The following CEMIP variants were observed in gnomAD, a reference collection of about 807,000 sequenced individuals.
The protein encoded by CEMIP is cell migration-inducing and hyaluronan-binding protein.
Under a neutral mutation model 156.9 loss-of-function variants are expected in CEMIP, and 105 were observed. The ratio of observed to expected loss-of-function variants is 0.67; its 90% CI spans 0.57 to 0.79. The LOEUF is 0.79. Ranked by LOEUF, CEMIP falls within the 30% of genes least tolerant of loss-of-function variation. The probability of loss-of-function intolerance (pLI) is 0.00; values close to 1 mark genes in which losing one functional copy is unlikely to be tolerated. For synonymous variants in CEMIP, 676 were observed against 668.4 expected (o/e 1.01, Z -0.17); for missense variants, 1,457 against 1,769.4 (o/e 0.82, Z 3.17).
intron 29 of CEMIP, chr15:80,947,335 A>G (rs1016578291): frequency 1.8e-5 from 8 of 455,920 alleles, no homozygotes; most frequent in African/African-American, 5.9e-5. Context: ...ATTTGCTTGG[A>G]AAGTGGCCCT....
chr15:80,935,019 T>C (rs1203007046), intron 23 of CEMIP, among the ~76,000 whole-genome samples: 2 of 152,112 alleles, frequency 1.3e-5, no homozygotes, highest in African/African-American at 2.4e-5. Context: ...CAGTGGAGAC[T>C]GGAGGCGGTG....
At chr15:80,885,876 C>T (rs1218409701) in intron 7 of CEMIP, among the ~76,000 whole-genome samples, 1 of 152,212 alleles carries the variant, frequency 6.6e-6, no homozygotes, top group African/African-American at 2.4e-5. Context: ...CGTCTTTTGC[C>T]AGGGCTGTTC....
At chr15:80,871,886 G>A (rs1303090039) in intron 1 of CEMIP, among the ~76,000 whole-genome samples, 2 of 152,148 alleles carry the variant, frequency 1.3e-5, no homozygotes, top group Admixed American at 1.3e-4. Context: ...GCCGTGATGC[G>A]TGACTTCAGC....
chr15:80,948,609 C>A, intron 29 of CEMIP, 188 bp from the exon 30 acceptor site: 1 of 754,288 alleles, frequency 1.3e-6, no homozygotes, highest in Non-Finnish European at 2.3e-6. Context: ...ACCCTGCCTG[C>A]CCCATACAAA....
chr15:80,925,531 T>C, intron 18 of CEMIP, 93 bp from the exon 19 acceptor site: 1 of 1,545,942 alleles, frequency 6.5e-7, no homozygotes, highest in Non-Finnish European at 8.8e-7. Context: ...CTGGGCACTG[T>C]GAGTAGAGAG....
chr15:80,807,906 G>C (rs1194857146), intron 1 of CEMIP, among the ~76,000 whole-genome samples: 1 of 152,062 alleles, frequency 6.6e-6, no homozygotes, highest in Non-Finnish European at 1.5e-5. Flanking sequence ...CATGTGTCAG[G>C]GAGCACCTGT....
At chr15:80,812,370 T>C (rs977233138) in intron 1 of CEMIP, among the ~76,000 whole-genome samples, 3 of 152,200 alleles carry the variant, frequency 2.0e-5, no homozygotes, top group South Asian at 4.1e-4. Context: ...CCTCTTCCCC[T>C]CTTGTTTGTA....
Position 80,900,761 on chromosome 15 carries a change from C to A in CEMIP, c.1411+4701C>A, listed in dbSNP as rs926085988. 4 of 343,770 alleles carry A rather than the reference C, an allele frequency of 1.2e-5. No individual in the cohort carries two copies. In the Admixed American group the frequency reaches 1.6e-4, roughly 14 times the overall value. The allele number at this position is 343,770 out of a possible 1,614,324, so 21.3% of individuals were successfully genotyped here. ...ATCCCCAAGCCCATTCTCTGGCTCT[C>A]CATCTCCCTGTTGACAGGATCAAGG... On this transcript the variant is annotated intron_variant, in intron 12 of 29. Transcript: ENST00000394685.
At chr15:80,881,476 T>G (rs923717456) in intron 6 of CEMIP, among the ~76,000 whole-genome samples, 6 of 152,062 alleles carry the variant, frequency 3.9e-5, no homozygotes, top group Non-Finnish European at 7.4e-5. Flanking sequence ...GATGCAACAT[T>G]TGAGCTGAGA....
chr15:80,875,784 T>G (rs1197768904), intron 3 of CEMIP, among the ~76,000 whole-genome samples: 1 of 152,162 alleles, frequency 6.6e-6, no homozygotes, highest in Non-Finnish European at 1.5e-5. Context: ...CTGGCCCTCT[T>G]CAGACACTTT....
intron 1 of CEMIP, among the ~76,000 whole-genome samples, chr15:80,841,320 C>T (rs1411878178): frequency 1.3e-5 from 2 of 152,208 alleles, no homozygotes; most frequent in Non-Finnish European, 2.9e-5. Flanking sequence ...CCTTCAGACA[C>T]CCAGGGCCAC....
chr15:80,831,940 T>C (rs1043732964), intron 1 of CEMIP, among the ~76,000 whole-genome samples: 2 of 152,334 alleles, frequency 1.3e-5, no homozygotes, highest in East Asian at 3.9e-4. Context: ...AAAGGTGGGT[T>C]TCCAAAAGGA....
At chr15:80,850,730 C>G (rs914173528) in intron 1 of CEMIP, among the ~76,000 whole-genome samples, 19 of 152,192 alleles carry the variant, frequency 1.2e-4, no homozygotes, top group Non-Finnish European at 1.8e-4. Flanking sequence ...CAGCTACAGC[C>G]TGGCTCAGTT....
At chr15:80,895,599 G>T (rs980900387) in intron 11 of CEMIP, among the ~76,000 whole-genome samples, 5 of 152,144 alleles carry the variant, frequency 3.3e-5, no homozygotes, top group African/African-American at 9.7e-5. Flanking sequence ...TGAGCAAAGT[G>T]GGTGGGGTGA....
intron 1 of CEMIP, among the ~76,000 whole-genome samples, chr15:80,868,784 A>G (rs1898196151): frequency 6.6e-6 from 1 of 152,222 alleles, no homozygotes. Flanking sequence ...TTGAGATAGT[A>G]AATTCGTCAA....
At chr15:80,942,732 A>C (rs1596211042) in intron 27 of CEMIP, among the ~76,000 whole-genome samples, 1 of 152,220 alleles carries the variant, frequency 6.6e-6, no homozygotes, top group Non-Finnish European at 1.5e-5. Context: ...ACATAAGCCC[A>C]CTTTCACAGG....
At chr15:80,901,017 T>TA (rs965221837) in intron 12 of CEMIP, 60 of 446,572 alleles carry the variant, frequency 1.3e-4, no homozygotes, top group East Asian at 2.8e-4. Flanking sequence ...ATGAATCATC[T>TA]AAAAAAAAAT....
chr15:80,896,046 A>C lies in CEMIP; in HGVS notation c.1397A>C (p.Gln466Pro). The change falls in exon 12 of 30, where the codon CAG becomes CCG. Residue 466 changes from glutamine (Q) to proline (P), a missense_variant. Physicochemically the swap from Gln to Pro is moderately conservative, Grantham distance 76 (BLOSUM62 -1). Transcript: ENST00000394685. Reference protein sequence around the residue: ...VLPCRSCAPNQVKVAGKPMYL... With the variant: ...VLPCRSCAPNPVKVAGKPMYL... ...CCCTGCAGATCCTGCGCCCCCAACC[A>C]GGTCAAAGTGGCAGGTAGGACTTTT... 1 of 1,614,086 alleles carries C rather than the reference A, an allele frequency of 6.2e-7. No homozygotes were observed. Among genetic ancestry groups the C allele is most frequent in the Non-Finnish European group, 8.5e-7 (1 of 1,180,030 alleles).
chr15:80,923,409 C>T lies in CEMIP; in HGVS notation c.2203-1212C>T, dbSNP rs572933463. Among the ~76,000 whole-genome samples the T allele has an allele frequency of 1.5e-4, 23 of 152,188 alleles. 1 individual carries two copies. In the East Asian group the frequency reaches 1.9e-3, roughly 13 times the overall value. ...TGGAGAGAATGTGTTGGCTGCTTGT[C>T]GAGAAACCCCTCACACGCACCCCTT... On this transcript the variant is annotated intron_variant, in intron 17 of 29. Coordinates refer to ENST00000394685, the MANE Select transcript of CEMIP (RefSeq NM_001293298.2).
Sources: gnomAD v4.1 joint callset for allele counts (sites outside exome capture counted in the v4.1 genomes callset) on GRCh38, gnomAD v4.1.1 for gene constraint, MANE v1.5 for transcripts, NCBI Gene and HGNC (gene_info 2026-07-23, HGNC 2026-07-21) for gene names.